APC2: variants seen among roughly 807,000 people sequenced by gnomAD.
APC2 encodes adenomatous polyposis coli protein 2.
Under a neutral mutation model 72.5 loss-of-function variants are expected in APC2, and 41 were observed. The observed-to-expected ratio is 0.57, with a 90% CI of 0.44 to 0.73. The LOEUF is 0.73. Among genes scored for constraint, APC2 ranks in the 30% least tolerant of loss-of-function variants. The pLI, the probability that APC2 is intolerant of heterozygous loss-of-function variation, is 0.00. For missense variants in APC2, 3,729 were observed against 3,403.4 expected (o/e 1.10, Z -2.38); for synonymous variants, 1,898 against 1,612.0 (o/e 1.18, Z -4.25).
In APC2 at chr19:1,472,991, G is replaced by T. The variant is rs756722055; in HGVS notation, c.*2778G>T. ...CACCGGCATGGTCCTCCCGAGCTCCGACAGCATTACCTCACCCGGCCCCAT... is the reference window on the plus strand; with the variant it reads ...CACCGGCATGGTCCTCCCGAGCTCCTACAGCATTACCTCACCCGGCCCCAT... On this transcript the variant is annotated 3_prime_UTR_variant, in exon 15 of 15. Coordinates refer to ENST00000590469, the MANE Select transcript of APC2 (RefSeq NM_005883.3). 1.3e-5 allele frequency: 2 copies of T among 152,272 alleles called. No individual in the cohort carries two copies. The highest frequency in any genetic ancestry group is 2.9e-5 in the Non-Finnish European group (2 of 68,112). 9.4% of individuals were successfully genotyped at this position (152,272 alleles called of 1,614,324 possible). A position where few individuals can be genotyped will look rare whatever the true frequency, so the allele number is the denominator to read the frequency against.
Position 1,468,342 on chromosome 19 carries a change from C to A in APC2, c.5041C>A (p.Leu1681Met). Residue 1681 changes from leucine (L) to methionine (M), a missense_variant, in exon 15 of 15, where the codon CTG becomes ATG. Coordinates refer to ENST00000590469, the MANE Select transcript of APC2 (RefSeq NM_005883.3). ...EAAGSDRASDLDSVEWRAIQE... is the reference protein window; with the variant it reads ...EAAGSDRASDMDSVEWRAIQE... ...AGCGGGCTCGGACCGGGCCTCCGAC[C>A]TGGATAGCGTGGAGTGGCGCGCCAT... 6.4e-7 allele frequency: 1 copy of A among 1,566,586 alleles called. No individual in the cohort carries two copies. The highest frequency in any genetic ancestry group is 1.8e-5 in the Admixed American group (1 of 54,782).
Position 1,465,251 on chromosome 19 carries a change from G to T in APC2, c.1950G>T (p.Trp650Cys), listed in dbSNP as rs2083988239. Residue 650 changes from tryptophan to cysteine, a missense_variant, in exon 15 of 15, where the codon TGG (tryptophan) becomes TGT (cysteine). Transcript: ENST00000590469. ...TGAGCAACGCGTGCGGCACGCTCTGGAACCTGTCGGCCCGCAGCGCCCGTG... is the reference window on the plus strand; with the variant it reads ...TGAGCAACGCGTGCGGCACGCTCTGTAACCTGTCGGCCCGCAGCGCCCGTG... ...TIVSNACGTL[W>C]NLSARSARDQ... is the part of the protein sequence containing the mutation. The T allele has an allele frequency of 6.2e-7, 1 of 1,609,334 alleles. No individual in the cohort carries two copies. The highest frequency in any genetic ancestry group is 8.5e-7 in the Non-Finnish European group (1 of 1,179,590).
chr19:1,458,177 C>T (rs151160268), intron 10 of APC2, 117 bp downstream of exon 10: 118 of 924,440 alleles, frequency 1.3e-4, no homozygotes, highest in East Asian at 1.1e-3. Context: ...GATTGGAGCC[C>T]GGAGAGGGAC....
At chr19:1,446,946 A>G (rs562930961), upstream of APC2, among the ~76,000 whole-genome samples, 2 of 152,188 alleles carry the variant, frequency 1.3e-5, no homozygotes, top group South Asian at 2.1e-4. The surrounding 1 kb of genome is among the most constrained non-coding windows in gnomAD (Gnocchi z 6.1). Context: ...GGGGAGCCCA[A>G]GGTCACGCTT....
At chr19:1,457,820 C>A (rs1259156055) in intron 9 of APC2, 145 bp from the exon 10 acceptor site, 2 of 694,686 alleles carry the variant, frequency 2.9e-6, no homozygotes, top group Non-Finnish European at 2.5e-6. Context: ...CTTAGAGAGG[C>A]TGGGAAAGGA....
At chr19:1,456,229 C>T (rs1031548500) in intron 7 of APC2, 76 bp downstream of exon 7, 2 of 1,550,350 alleles carry the variant, frequency 1.3e-6, no homozygotes, top group Non-Finnish European at 1.7e-6. Flanking sequence ...GTTCTGCCCG[C>T]CCCCGCCCAC....
Position 1,467,211 on chromosome 19 carries a change from CGCGGCGGGG to C in APC2, c.3914_3922del (p.Gly1305_Gly1307del). 3.5e-6 allele frequency: 5 copies of C among 1,415,922 alleles called. No homozygotes were observed. The highest frequency in any genetic ancestry group is 4.6e-6 in the Non-Finnish European group (5 of 1,091,166). 87.7% of individuals were successfully genotyped at this position (1,415,922 alleles called of 1,614,324 possible). On this transcript the variant is annotated inframe_deletion, in exon 15 of 15. Transcript: ENST00000590469. The stretch of plus-strand genomic sequence containing the variant: ...GCTGCTGCCCTCGGCCTGCCCCGAG[CGCGGCGGGG>C]GCGCCGGGGGCGCCGGCCTCCACTT...
chr19:1,467,053 G>C lies in APC2; in HGVS notation c.3752G>C (p.Arg1251Pro). Residue 1251 changes from arginine (R) to proline (P), a missense_variant, in exon 15 of 15, where the codon CGG becomes CCG. Physicochemically the swap from Arg to Pro is moderately radical, Grantham distance 103 (BLOSUM62 -2). Coordinates refer to ENST00000590469, the MANE Select transcript of APC2 (RefSeq NM_005883.3). ...ATCGCCGACTGCCGGGAGCGCTGCC[G>C]GCTGCCATCTGAGCTGGACGCAGGC... ...LDIADCRERC[R>P]LPSELDAGSV... 1 of 1,611,826 alleles carries C rather than the reference G, an allele frequency of 6.2e-7. No individual in the cohort carries two copies. Among genetic ancestry groups the C allele is most frequent in the Non-Finnish European group, 8.5e-7 (1 of 1,179,676 alleles).
intron 1 of APC2, among the ~76,000 whole-genome samples, chr19:1,451,064 C>A (rs1013586242): frequency 6.6e-6 from 1 of 152,136 alleles, no homozygotes; most frequent in East Asian, 1.9e-4. Context: ...GTTTAAAGCT[C>A]CCTCTGGCTG....
Position 1,465,713 on chromosome 19 carries a change from C to G in APC2, c.2412C>G (p.Leu804=). 1.3e-6 allele frequency: 2 copies of G among 1,571,376 alleles called. No homozygotes were observed. Among genetic ancestry groups the G allele is most frequent in the Non-Finnish European group, 1.7e-6 (2 of 1,160,692 alleles). The change falls in exon 15 of 15, where the codon CTC becomes CTG. Residue 804 remains leucine, a synonymous_variant. Transcript: ENST00000590469. ...GEPASPAALS[L]FLGSPFLQGQ... ...CAGCCAGCCCTGCCGCGCTGTCCCT[C>G]TTCCTGGGCAGCCCCTTCCTGCAGG...
At position 1,469,031 on chromosome 19, in the gene APC2, A is replaced by C. The variant is rs265278; in HGVS notation, c.5730A>C (p.Lys1910Asn). ...LPGPGASPVP[K>N]TPARTLLAKQ... ...GCCCCGGAGCCTCCCCGGTGCCCAA[A>C]ACGCCGGCGCGCACCCTTCTGGCGA... is the stretch of plus-strand genomic sequence containing the variant. The change falls in exon 15 of 15, where the codon AAA (lysine) becomes AAC (asparagine). Residue 1910 changes from lysine to asparagine, a missense_variant. By Grantham distance (94) the Lys-to-Asn change is moderately conservative (BLOSUM62 0). Coordinates refer to ENST00000590469, the MANE Select transcript of APC2 (RefSeq NM_005883.3). 1 of 1,543,710 alleles carries C rather than the reference A, an allele frequency of 6.5e-7. No individual in the cohort carries two copies. Among genetic ancestry groups the C allele is most frequent in the Non-Finnish European group, 8.7e-7 (1 of 1,147,362 alleles).
chr19:1,465,114 G>A, intron 14 of APC2, 41 bp from the exon 15 acceptor site: 1 of 1,565,448 alleles, frequency 6.4e-7, no homozygotes, highest in Non-Finnish European at 8.7e-7. Flanking sequence ...GGGCAGGGGA[G>A]GGTGGGGGGT....
rs199699847 is a variant in APC2, at chr19:1,460,867, G to C, written c.1521+10G>C. On this transcript the variant is annotated intron_variant, in intron 12 of 14. Coordinates refer to ENST00000590469, the MANE Select transcript of APC2 (RefSeq NM_005883.3). ...TGAGGAGCTCCACCAGGTACAGGGCGGGGTGCTGGGAAAGCCTTCCAGGGT... is the reference window on the plus strand; with the variant it reads ...TGAGGAGCTCCACCAGGTACAGGGCCGGGTGCTGGGAAAGCCTTCCAGGGT... The C allele has an allele frequency of 6.2e-7, 1 of 1,612,994 alleles. No homozygotes were observed. The highest frequency in any genetic ancestry group is 1.3e-5 in the African/African-American group (1 of 74,938).
Position 1,468,910 on chromosome 19 carries a change from A to C in APC2, c.5609A>C (p.Lys1870Thr). ...GCCACACCGCCCGCCCGCCTCGCCA[A>C]GACCCCCTCCTCCAGCTCCTCCCAG... ...RSATPPARLA[K>T]TPSSSSSQTS... is the part of the protein sequence containing the mutation. Residue 1870 changes from lysine (K) to threonine (T), a missense_variant, in exon 15 of 15, where the codon AAG (lysine) becomes ACG (threonine). Coordinates refer to ENST00000590469, the MANE Select transcript of APC2 (RefSeq NM_005883.3). 6.5e-7 allele frequency: 1 copy of C among 1,526,986 alleles called. No individual in the cohort carries two copies. The highest frequency in any genetic ancestry group is 8.7e-7 in the Non-Finnish European group (1 of 1,144,382). The allele number at this position is 1,526,986 out of a possible 1,614,324, so 94.6% of individuals were successfully genotyped here.
chr19:1,455,620 T>G, intron 6 of APC2, 120 bp downstream of exon 6: 1 of 981,590 alleles, frequency 1.0e-6, no homozygotes, highest in Non-Finnish European at 1.5e-6. Flanking sequence ...CCTCCTGGGT[T>G]GGGGGGCGCG....
chr19:1,467,891 A>G lies in APC2; in HGVS notation c.4590A>G (p.Thr1530=), dbSNP rs1036122983. ...CGCCCACGCCAACCCACCGGCGCAC[A>G]TCGGCCATCCCTCGCGCTTTTACGC... ...AAAPTPTHRR[T]SAIPRAFTRE... The change falls in exon 15 of 15, where the codon ACA becomes ACG. Residue 1530 remains threonine, a synonymous_variant. Coordinates refer to ENST00000590469, the MANE Select transcript of APC2 (RefSeq NM_005883.3). 32 of 1,580,038 alleles carry G rather than the reference A, an allele frequency of 2.0e-5. No homozygotes were observed. Among genetic ancestry groups the G allele is most frequent in the Non-Finnish European group, 2.6e-5 (31 of 1,171,702 alleles).
In APC2 at chr19:1,461,668, C is replaced by A. The variant is rs370701812; in HGVS notation, c.1639-295C>A. ...GAGATCGAGACCATCCTGGCTAACACGGTGAAACCCCGTCTCTACTAAAAA... is the reference window on the plus strand; with the variant it reads ...GAGATCGAGACCATCCTGGCTAACAAGGTGAAACCCCGTCTCTACTAAAAA... On this transcript the variant is annotated intron_variant, in intron 13 of 14. Transcript: ENST00000590469. 2,707 of 407,514 alleles carry A rather than the reference C, an allele frequency of 6.6e-3. 63 individuals are homozygous for A. The highest frequency in any genetic ancestry group is 0.05 in the African/African-American group (2,427 of 48,550). 25.2% of individuals were successfully genotyped at this position (407,514 alleles called of 1,614,324 possible). A position where few individuals can be genotyped will look rare whatever the true frequency, so the allele number is the denominator to read the frequency against.
upstream of APC2, among the ~76,000 whole-genome samples, chr19:1,448,849 A>G (rs574001876): frequency 6.6e-6 from 1 of 151,400 alleles, no homozygotes; most frequent in Admixed American, 6.6e-5. Context: ...GTCTCAAAAA[A>G]AAAAAAAAGA....
At chr19:1,460,467 A>G in intron 11 of APC2, 147 bp downstream of exon 11, 1 of 1,318,986 alleles carries the variant, frequency 7.6e-7, no homozygotes, top group Non-Finnish European at 1.0e-6. Context: ...TGAGGCCCAG[A>G]GAGTGCGGTG....
Sources: gnomAD v4.1 joint callset for allele counts (sites outside exome capture counted in the v4.1 genomes callset) on GRCh38, gnomAD v4.1.1 for gene constraint, Gnocchi (gnomAD v3.1) non-coding constraint, MANE v1.5 for transcripts, NCBI Gene and HGNC (gene_info 2026-07-23, HGNC 2026-07-21) for gene names.